Variants in PLEKHG1 observed in about 807,000 individuals in gnomAD.
PLEKHG1 encodes pleckstrin homology domain-containing family G member 1.
A neutral mutation model predicts 100.8 loss-of-function variants in PLEKHG1; 44 were observed. The ratio of observed to expected loss-of-function variants is 0.44; its 90% CI spans 0.34 to 0.56. The LOEUF (loss-of-function observed/expected upper bound fraction) is 0.56. Among genes scored for constraint, PLEKHG1 ranks in the 20% least tolerant of loss-of-function variants. The pLI is 0.01. For missense variants in PLEKHG1, 1,545 were observed against 1,720.9 expected (o/e 0.90, Z 1.81); for synonymous variants, 640 against 662.5 (o/e 0.97, Z 0.52).
At chr6:150,835,125 C>T (rs533619491) in intron 15 of PLEKHG1, among the ~76,000 whole-genome samples, 44 of 152,250 alleles carry the variant, frequency 2.9e-4, no homozygotes, top group African/African-American at 8.7e-4. Flanking sequence ...ACTCTCTAGC[C>T]GGGGTCTCCA....
At chr6:150,837,240 T>C in intron 15 of PLEKHG1, among the ~76,000 whole-genome samples, 1 of 128,856 alleles carries the variant, frequency 7.8e-6, no homozygotes, top group East Asian at 2.0e-4. Context: ...TGTGTCTGCA[T>C]GTGTGTGTGT....
At chr6:150,650,072 A>T (rs1034997001) in intron 2 of PLEKHG1, among the ~76,000 whole-genome samples, 1 of 149,128 alleles carries the variant, frequency 6.7e-6, no homozygotes, top group Non-Finnish European at 1.5e-5. Context: ...AAAAAAAAAA[A>T]AGAAAGAAAA....
At chr6:150,786,450 T>C (rs770527348) in exon 4 of PLEKHG1, 5 of 1,610,846 alleles carry the variant, frequency 3.1e-6, no homozygotes, top group Non-Finnish European at 3.4e-6. Context: ...CAGAGTGTTT[T>C]GTGTCCAAGG....
In PLEKHG1 at chr6:150,736,328, C is replaced by T. The variant is rs143712452; in HGVS notation, c.411+2236C>T. Among the ~76,000 whole-genome samples, 1,028 of 152,300 alleles carry T rather than the reference C, an allele frequency of 6.7e-3. 16 individuals are homozygous for T. Among genetic ancestry groups the T allele is most frequent in the African/African-American group, 0.023 (957 of 41,556 alleles). On this transcript the variant is annotated intron_variant, in intron 2 of 15. Coordinates refer to ENST00000358517, the Ensembl canonical transcript of PLEKHG1. ...TTATTATGAGAATTGGATAAGATAG[C>T]ATAAAAAGCTCTGCAGCCATGCCTG...
chr6:150,806,705 G>GT (rs557318841), intron 7 of PLEKHG1, among the ~76,000 whole-genome samples: 297 of 150,844 alleles, frequency 2.0e-3, no homozygotes, highest in African/African-American at 6.7e-3. Flanking sequence ...GTGCACACCT[G>GT]TAACCCCAGC....
intron 1 of PLEKHG1, among the ~76,000 whole-genome samples, chr6:150,602,364 C>A (rs73619632): frequency 0.02 from 3,002 of 152,296 alleles, 90 homozygotes; most frequent in African/African-American, 0.068. Flanking sequence ...CCTAGTCCAG[C>A]CCTACATCTT....
chr6:150,767,814 GA>G (rs1784522100), intron 2 of PLEKHG1, among the ~76,000 whole-genome samples: 1 of 152,154 alleles, frequency 6.6e-6, no homozygotes, highest in Admixed American at 6.5e-5. Flanking sequence ...CTAGGGCAAG[GA>G]CTGTATTTAC....
intron 3 of PLEKHG1, among the ~76,000 whole-genome samples, chr6:150,655,524 C>A (rs935186952): frequency 1.3e-5 from 2 of 151,774 alleles, no homozygotes. Context: ...CTGGCTAACA[C>A]GATGAAACCC....
intron 1 of PLEKHG1, among the ~76,000 whole-genome samples, chr6:150,620,685 G>A (rs1777261467): frequency 6.6e-6 from 1 of 152,170 alleles, no homozygotes. Flanking sequence ...CTATATGTGT[G>A]TTCATTCAGC....
At chr6:150,612,059 C>A (rs866734871) in intron 1 of PLEKHG1, among the ~76,000 whole-genome samples, 1 of 74,632 alleles carries the variant, frequency 1.3e-5, no homozygotes, top group Non-Finnish European at 2.7e-5. Context: ...CCCCCCCCCC[C>A]CTTTTCTAGT....
At chr6:150,809,891 CAAAA>C (rs201618525) in intron 10 of PLEKHG1, among the ~76,000 whole-genome samples, 157 bp downstream of exon 11, 1 of 135,776 alleles carries the variant, frequency 7.4e-6, no homozygotes, top group African/African-American at 2.7e-5. Flanking sequence ...GAGACTGGGT[CAAAA>C]AAAAAAAAAA....
chr6:150,603,019 C>T (rs1478684845), intron 1 of PLEKHG1, among the ~76,000 whole-genome samples: 1 of 135,936 alleles, frequency 7.4e-6, no homozygotes, highest in Non-Finnish European at 1.5e-5. Context: ...GGGGCGGAGC[C>T]TGCAGTGAGC....
chr6:150,679,163 T>C (rs1246317587), intron 3 of PLEKHG1, among the ~76,000 whole-genome samples: 1 of 152,222 alleles, frequency 6.6e-6, no homozygotes, highest in Non-Finnish European at 1.5e-5. Flanking sequence ...GAAATCATGT[T>C]TGTAGGATTT....
intron 2 of PLEKHG1, among the ~76,000 whole-genome samples, chr6:150,759,546 G>A (rs1784043156): frequency 6.6e-6 from 1 of 152,190 alleles, no homozygotes; most frequent in African/African-American, 2.4e-5. Flanking sequence ...AGCATGGCTT[G>A]AGGCATTTAC....
chr6:150,840,673 C>A (rs1020841164), exon 16 of PLEKHG1: 21 of 1,614,158 alleles, frequency 1.3e-5, no homozygotes, highest in Middle Eastern at 1.6e-4. Context: ...GCTGACTTTT[C>A]TGATAATGTC....
intron 1 of PLEKHG1, among the ~76,000 whole-genome samples, chr6:150,617,158 G>C (rs1777107598): frequency 6.6e-6 from 1 of 152,200 alleles, no homozygotes. Flanking sequence ...TGAGTTTGGA[G>C]GGTTTGTTAA....
intron 3 of PLEKHG1, among the ~76,000 whole-genome samples, chr6:150,676,125 G>A (rs957652052): frequency 6.6e-6 from 1 of 152,256 alleles, no homozygotes; most frequent in Admixed American, 6.5e-5. Flanking sequence ...GGGCAAAGAT[G>A]CACATATTTA....
At chr6:150,708,349 G>T (rs1168114130) in intron 3 of PLEKHG1, among the ~76,000 whole-genome samples, 1 of 152,062 alleles carries the variant, frequency 6.6e-6, no homozygotes, top group Non-Finnish European at 1.5e-5. Flanking sequence ...CTCTCCCAGG[G>T]TCACCAAGGC....
At chr6:150,712,507 T>A (rs1031800786) in intron 3 of PLEKHG1, among the ~76,000 whole-genome samples, 5 of 152,246 alleles carry the variant, frequency 3.3e-5, no homozygotes, top group African/African-American at 1.2e-4. Flanking sequence ...CCTCTTCCTT[T>A]TTCTCTTCTT....
Sources: allele counts gnomAD v4.1 joint callset (sites outside exome capture counted in the v4.1 genomes callset), GRCh38; gene constraint gnomAD v4.1.1; transcripts MANE v1.5; gene names NCBI Gene and HGNC (gene_info 2026-07-23, HGNC 2026-07-21).